The following NAALADL2 variants were observed in gnomAD, a reference collection of about 807,000 sequenced individuals.
NAALADL2 encodes N-acetylated alpha-linked acidic dipeptidase like 2, also known as inactive N-acetylated-alpha-linked acidic dipeptidase-like protein 2.
In NAALADL2, 76 loss-of-function variants were observed where a neutral mutation model predicts 87.2. That is an observed-to-expected ratio of 0.87 (90% confidence interval 0.72 to 1.05). NAALADL2 has a LOEUF of 1.05. Ranked by LOEUF, NAALADL2 falls within the 50% of genes least tolerant of loss-of-function variation. NAALADL2 has a pLI of 0.00. For missense variants in NAALADL2, 1,089 were observed against 945.8 expected (o/e 1.15, Z -1.99); for synonymous variants, 354 against 331.0 (o/e 1.07, Z -0.75).
chr3:175,577,470 G>A (rs1466185996), intron 10 of NAALADL2, among the ~76,000 whole-genome samples: 1 of 152,118 alleles, frequency 6.6e-6, no homozygotes, highest in Non-Finnish European at 1.5e-5. Context: ...CTGAGGAGGT[G>A]GAATTTGATG....
intron 5 of NAALADL2, among the ~76,000 whole-genome samples, chr3:175,369,864 T>C (rs1339100545): frequency 6.6e-6 from 1 of 152,318 alleles, no homozygotes; most frequent in East Asian, 1.9e-4. Context: ...GATCTTTCCA[T>C]CTCCATAAAA....
chr3:175,460,197 A>T (rs1269669100), intron 6 of NAALADL2: 1 of 456,168 alleles, frequency 2.2e-6, no homozygotes, highest in Non-Finnish European at 4.4e-6. Flanking sequence ...GAGCAAGTTT[A>T]TTCAAGACTT....
At chr3:175,018,612 A>T (rs1364548578) in intron 1 of NAALADL2, among the ~76,000 whole-genome samples, 5 of 152,072 alleles carry the variant, frequency 3.3e-5, no homozygotes, top group African/African-American at 1.2e-4. Flanking sequence ...CCGCATACAC[A>T]TCTACCATGA....
intron 1 of NAALADL2, among the ~76,000 whole-genome samples, chr3:174,927,390 A>G (rs1736229461): frequency 6.6e-6 from 1 of 152,190 alleles, no homozygotes; most frequent in Non-Finnish European, 1.5e-5. Context: ...TCCACCTCAA[A>G]TCAACAGAAT....
At chr3:174,998,263 G>T (rs1016585179) in intron 1 of NAALADL2, among the ~76,000 whole-genome samples, 7 of 152,174 alleles carry the variant, frequency 4.6e-5, no homozygotes, top group African/African-American at 1.4e-4. Context: ...GGGAAACTGA[G>T]GCAGCCAAAC....
chr3:175,118,857 T>C (rs1221172574), intron 2 of NAALADL2, among the ~76,000 whole-genome samples: 1 of 151,754 alleles, frequency 6.6e-6, no homozygotes, highest in East Asian at 1.9e-4. Context: ...CTCAAAATTA[T>C]AGCTGTGGTA....
chr3:174,845,512 G>A (rs1026433744), intron 3 of NAALADL2, among the ~76,000 whole-genome samples: 7 of 152,312 alleles, frequency 4.6e-5, no homozygotes, highest in Admixed American at 3.9e-4. Flanking sequence ...CCTGGTGACT[G>A]TCATGCTGAG....
intron 2 of NAALADL2, among the ~76,000 whole-genome samples, chr3:175,165,953 C>T (rs1733938765): frequency 6.6e-6 from 1 of 151,736 alleles, no homozygotes; most frequent in Non-Finnish European, 1.5e-5. Flanking sequence ...ACTATGTGGA[C>T]TTTGCCACCG....
intron 2 of NAALADL2, among the ~76,000 whole-genome samples, chr3:174,665,115 G>T (rs539400679): frequency 6.6e-6 from 1 of 152,290 alleles, no homozygotes; most frequent in African/African-American, 2.4e-5. Context: ...GTACTTCTCA[G>T]CAGACTTGAG....
At chr3:175,418,782 A>T (rs1268470208) in intron 5 of NAALADL2, among the ~76,000 whole-genome samples, 2 of 151,898 alleles carry the variant, frequency 1.3e-5, no homozygotes, top group East Asian at 3.9e-4. Flanking sequence ...CTATTTTTCC[A>T]CTTGGTTTTA....
chr3:174,585,476 C>A (rs1032893420), intron 2 of NAALADL2, among the ~76,000 whole-genome samples: 1 of 152,046 alleles, frequency 6.6e-6, no homozygotes, highest in Non-Finnish European at 1.5e-5. Flanking sequence ...TTTCTTCTAC[C>A]CTGTAAGATA....
intron 2 of NAALADL2, among the ~76,000 whole-genome samples, chr3:174,570,651 C>T (rs1714824338): frequency 6.6e-6 from 1 of 152,032 alleles, no homozygotes; most frequent in South Asian, 2.1e-4. Flanking sequence ...GCTTAAGGGT[C>T]ACAACTTTAA....
chr3:175,776,531 A>G (rs1450064534), intron 13 of NAALADL2, among the ~76,000 whole-genome samples: 3 of 152,108 alleles, frequency 2.0e-5, no homozygotes, highest in Non-Finnish European at 4.4e-5. Flanking sequence ...ACAACTTAAA[A>G]TCTGTCTTCA....
At chr3:175,443,802 A>G (rs1206308525) in intron 5 of NAALADL2, among the ~76,000 whole-genome samples, 2 of 152,152 alleles carry the variant, frequency 1.3e-5, no homozygotes, top group African/African-American at 4.8e-5. Context: ...TTCAGAGGGA[A>G]CAAACAGTGA....
intron 1 of NAALADL2, among the ~76,000 whole-genome samples, chr3:174,466,752 T>C (rs920564147): frequency 2.6e-5 from 4 of 152,200 alleles, no homozygotes; most frequent in Non-Finnish European, 4.4e-5. Flanking sequence ...GAGGACTTTC[T>C]CTTCATTATC....
intron 5 of NAALADL2, among the ~76,000 whole-genome samples, chr3:175,362,304 G>A (rs1765115999): frequency 6.8e-6 from 1 of 148,084 alleles, no homozygotes; most frequent in South Asian, 2.2e-4. Flanking sequence ...GTAGCGTGAT[G>A]CCTCCAGCTT....
intron 3 of NAALADL2, among the ~76,000 whole-genome samples, chr3:174,777,415 T>C (rs1330176959): frequency 1.3e-5 from 2 of 152,152 alleles, no homozygotes; most frequent in African/African-American, 4.8e-5. Context: ...AAAATGTATT[T>C]CTAGTTGGAA....
chr3:175,295,709 ATG>A (rs1491504721), intron 4 of NAALADL2, among the ~76,000 whole-genome samples: 62 of 127,208 alleles, frequency 4.9e-4, no homozygotes, highest in Non-Finnish European at 8.7e-4. Flanking sequence ...TTTGATACAC[ATG>A]CACACAAACA....
chr3:174,700,133 A>G (rs1729419273), intron 2 of NAALADL2, among the ~76,000 whole-genome samples: 1 of 151,732 alleles, frequency 6.6e-6, no homozygotes, highest in African/African-American at 2.4e-5. Flanking sequence ...TATTTGCTGC[A>G]AGATCTAGTT....
Sources: allele counts gnomAD v4.1 joint callset (sites outside exome capture counted in the v4.1 genomes callset), GRCh38; gene constraint gnomAD v4.1.1; transcripts MANE v1.5; gene names NCBI Gene and HGNC (gene_info 2026-07-23, HGNC 2026-07-21).